GNAZ: variants seen among roughly 807,000 people sequenced by gnomAD.
GNAZ encodes G protein subunit alpha z, also known as guanine nucleotide-binding protein G(z) subunit alpha.
GNAZ carries 3 observed loss-of-function variants against 25.4 expected under a neutral mutation model. The ratio of observed to expected loss-of-function variants is 0.12; its 90% CI spans 0.05 to 0.30. The LOEUF (loss-of-function observed/expected upper bound fraction) is 0.30. Ranked by LOEUF, GNAZ falls within the 10% of genes least tolerant of loss-of-function variation. The pLI is 1.00. For missense variants in GNAZ, 241 were observed against 501.8 expected, an observed-to-expected ratio of 0.48 and a Z score of 4.97; for synonymous variants, 211 against 205.7, an observed-to-expected ratio of 1.03 and a Z score of -0.22.
intron 2 of GNAZ, among the ~76,000 whole-genome samples, chr22:23,113,189 T>G (rs962048058): frequency 5.9e-5 from 9 of 152,210 alleles, no homozygotes; most frequent in African/African-American, 2.2e-4. Flanking sequence ...CTGAGTGTTC[T>G]GACGTTGGCT....
rs1445123973 is a variant in GNAZ, at chr22:23,124,480, T to A, written c.*1049T>A. The A allele has an allele frequency of 2.4e-6, 1 of 410,750 alleles. No homozygotes were observed. The highest frequency in any genetic ancestry group is 2.1e-5 in the African/African-American group (1 of 47,652). The allele number at this position is 410,750 out of a possible 1,614,324, so 25.4% of individuals were successfully genotyped here. A position where few individuals can be genotyped will look rare whatever the true frequency, so the allele number is the denominator to read the frequency against. On this transcript the variant is annotated 3_prime_UTR_variant, in exon 3 of 3. Coordinates refer to ENST00000615612, the MANE Select transcript of GNAZ (RefSeq NM_002073.4). ...TACATAAGCCTCTGCAGTGTCCTCT[T>A]GTTAATGGTGGGGTTTTCTGCTTTG...
chr22:23,114,103 G>A (rs985843976), intron 2 of GNAZ, among the ~76,000 whole-genome samples: 2 of 152,180 alleles, frequency 1.3e-5, no homozygotes, highest in Non-Finnish European at 2.9e-5. Flanking sequence ...CCTCAGTCAG[G>A]GTGCTGCCCT....
chr22:23,115,630 G>A lies in GNAZ; in HGVS notation c.724-7457G>A, dbSNP rs116549233. ...GCCTCCCACACCTCAGTGATGCCTC[G>A]GTGACCCCTAAGGCAGAAGATGCGT... is the stretch of plus-strand genomic sequence containing the variant. On this transcript the variant is annotated intron_variant, in intron 2 of 2. Coordinates refer to ENST00000615612, the MANE Select transcript of GNAZ (RefSeq NM_002073.4). Among the ~76,000 whole-genome samples, 977 of 152,272 alleles carry A rather than the reference G, an allele frequency of 6.4e-3. 9 individuals carry two copies. The highest frequency in any genetic ancestry group is 0.022 in the African/African-American group (923 of 41,566).
At chr22:23,096,600 G>A (rs577218721) in intron 2 of GNAZ, among the ~76,000 whole-genome samples, 182 bp downstream of exon 2, 58 of 152,302 alleles carry the variant, frequency 3.8e-4, no homozygotes, top group Non-Finnish European at 6.0e-4. Flanking sequence ...AGGGTGTGGA[G>A]TGCAGGTGTC....
At chr22:23,092,917 TC>T (rs1198374803) in intron 1 of GNAZ, among the ~76,000 whole-genome samples, 1 of 152,170 alleles carries the variant, frequency 6.6e-6, no homozygotes, top group Non-Finnish European at 1.5e-5. Context: ...GACACTGCCT[TC>T]TGAAAGGAGC....
intron 1 of GNAZ, among the ~76,000 whole-genome samples, chr22:23,075,684 G>A (rs567491694): frequency 1.3e-5 from 2 of 152,214 alleles, no homozygotes; most frequent in Non-Finnish European, 2.9e-5. Flanking sequence ...AAGCCCGGGG[G>A]TGTTCCTTCT....
chr22:23,115,438 C>T (rs1403566896), intron 2 of GNAZ, among the ~76,000 whole-genome samples: 1 of 152,170 alleles, frequency 6.6e-6, no homozygotes, highest in Non-Finnish European at 1.5e-5. Context: ...AGGGGTTGGA[C>T]AAGACCAGTG....
rs1347710211 is a variant in GNAZ at position 23,124,390 on chromosome 22, T to C, written c.*959T>C. ...AAAGTTGTTATCTGGACGATCTGTC[T>C]CTCTGCTCCAAAGAAATTTTGGAGT... On this transcript the variant is annotated 3_prime_UTR_variant, in exon 3 of 3. Transcript: ENST00000615612. 2 of 469,748 alleles carry C rather than the reference T, an allele frequency of 4.3e-6. No individual in the cohort carries two copies. The highest frequency in any genetic ancestry group is 8.8e-6 in the Non-Finnish European group (2 of 226,058). The allele number at this position is 469,748 out of a possible 1,614,324, so 29.1% of individuals were successfully genotyped here. A position where few individuals can be genotyped will look rare whatever the true frequency, so the allele number is the denominator to read the frequency against.
rs2069928888 is a variant in GNAZ at position 23,118,870 on chromosome 22, A to C, written c.724-4217A>C. Among the ~76,000 whole-genome samples the C allele has an allele frequency of 3.9e-5, 6 of 152,230 alleles. No individual in the cohort carries two copies. In the South Asian group the frequency reaches 1.2e-3, roughly 31 times the overall value. On this transcript the variant is annotated intron_variant, in intron 2 of 2. Transcript: ENST00000615612. ...GGGAGGGCAAAACCCCATGCAGGCCAGGCCAGGCCAGGAAGGAGAACAGAG... is the reference window on the plus strand; with the variant it reads ...GGGAGGGCAAAACCCCATGCAGGCCCGGCCAGGCCAGGAAGGAGAACAGAG...
intron 2 of GNAZ, among the ~76,000 whole-genome samples, chr22:23,116,809 AGGCTGT>A (rs1366224521): frequency 6.6e-6 from 1 of 151,780 alleles, no homozygotes; most frequent in Non-Finnish European, 1.5e-5. Context: ...GGAGGTGTTT[AGGCTGT>A]GACAAAGGGA....
chr22:23,079,319 G>A (rs920293288), intron 1 of GNAZ, among the ~76,000 whole-genome samples: 9 of 152,230 alleles, frequency 5.9e-5, no homozygotes, highest in African/African-American at 1.9e-4. Flanking sequence ...CCATTGGATG[G>A]GGAGAGGGCG....
intron 1 of GNAZ, among the ~76,000 whole-genome samples, chr22:23,075,293 G>C (rs2068481535): frequency 6.6e-6 from 1 of 152,146 alleles, no homozygotes; most frequent in Non-Finnish European, 1.5e-5. Flanking sequence ...CTTCACCTTG[G>C]CACCATGGCC....
intron 1 of GNAZ, among the ~76,000 whole-genome samples, chr22:23,090,129 T>C (rs912601951): frequency 2.0e-5 from 3 of 152,162 alleles, no homozygotes; most frequent in African/African-American, 7.2e-5. Flanking sequence ...TCCACTCATC[T>C]GTACTGAGCC....
chr22:23,109,146 C>T (rs1419957112), intron 2 of GNAZ, among the ~76,000 whole-genome samples: 3 of 152,158 alleles, frequency 2.0e-5, no homozygotes, highest in African/African-American at 4.8e-5. Context: ...TCTCTTGTGA[C>T]GCACTTCACT....
chr22:23,101,538 C>T (rs1471575343), intron 2 of GNAZ, among the ~76,000 whole-genome samples: 1 of 152,164 alleles, frequency 6.6e-6, no homozygotes, highest in Non-Finnish European at 1.5e-5. Flanking sequence ...ACAGGGAGCC[C>T]TAGCAGAACA....
At chr22:23,118,304 C>G (rs1398152875) in intron 2 of GNAZ, among the ~76,000 whole-genome samples, 1 of 152,250 alleles carries the variant, frequency 6.6e-6, no homozygotes, top group African/African-American at 2.4e-5. Flanking sequence ...CTCACAGGAA[C>G]TGTCTGCTCC....
chr22:23,124,431 G>A lies in GNAZ; in HGVS notation c.*1000G>A, dbSNP rs1246965221. On this transcript the variant is annotated 3_prime_UTR_variant, in exon 3 of 3. Coordinates refer to ENST00000615612, the MANE Select transcript of GNAZ (RefSeq NM_002073.4). ...ATTTTGGAGTGAGTGGCAGTCCTGC[G>A]CCAGCCTCGCGGGACACGTGTTGTA... The A allele has an allele frequency of 8.5e-6, 4 of 469,248 alleles. No individual in the cohort carries two copies. The highest frequency in any genetic ancestry group is 1.6e-5 in the South Asian group (1 of 64,348). 29.1% of individuals were successfully genotyped at this position (469,248 alleles called of 1,614,324 possible).
At chr22:23,113,307 C>A (rs930846272) in intron 2 of GNAZ, among the ~76,000 whole-genome samples, 3 of 152,224 alleles carry the variant, frequency 2.0e-5, no homozygotes, top group African/African-American at 7.2e-5. Flanking sequence ...TACCCCGGCT[C>A]CCACCCCAGC....
rs1315151887 is a variant in GNAZ, at chr22:23,096,035, G to A, written c.340G>A (p.Ala114Thr). The change falls in exon 2 of 3, where the codon GCT becomes ACT. Residue 114 changes from alanine to threonine, a missense_variant. Physicochemically the swap from Ala to Thr is moderately conservative, Grantham distance 58 (BLOSUM62 0). Transcript: ENST00000615612. ...AVQLFALTGP[A>T]ESKGEITPEL... ...GCAGCTCTTTGCGCTGACGGGCCCCGCTGAGAGCAAGGGCGAGATCACACC... is the reference window on the plus strand; with the variant it reads ...GCAGCTCTTTGCGCTGACGGGCCCCACTGAGAGCAAGGGCGAGATCACACC... The A allele has an allele frequency of 6.2e-7, 1 of 1,606,824 alleles. No homozygotes were observed. The highest frequency in any genetic ancestry group is 8.5e-7 in the Non-Finnish European group (1 of 1,179,932).
Sources: gnomAD v4.1 joint callset for allele counts (sites outside exome capture counted in the v4.1 genomes callset) on GRCh38, gnomAD v4.1.1 for gene constraint, MANE v1.5 for transcripts, NCBI Gene and HGNC (gene_info 2026-07-23, HGNC 2026-07-21) for gene names.